The following ST7L variants were observed in gnomAD, a reference collection of about 807,000 sequenced individuals.
ST7L encodes the protein suppression of tumorigenicity 7 like, also known as suppressor of tumorigenicity 7 protein-like.
Under a neutral mutation model 72.5 loss-of-function variants are expected in ST7L, and 57 were observed. That is an observed-to-expected ratio of 0.79 (90% CI 0.64 to 0.98). The LOEUF is 0.98. Among genes scored for constraint, ST7L ranks in the 50% least tolerant of loss-of-function variants. The pLI is 0.00. For missense variants in ST7L, 576 were observed against 672.2 expected, an observed-to-expected ratio of 0.86 and a Z score of 1.58; for synonymous variants, 221 against 240.9, an observed-to-expected ratio of 0.92 and a Z score of 0.77.
intron 14 of ST7L, among the ~76,000 whole-genome samples, chr1:112,533,395 G>A (rs1442580570): frequency 1.3e-5 from 2 of 151,664 alleles, no homozygotes; most frequent in African/African-American, 2.4e-5. Flanking sequence ...CCTGGCTCAC[G>A]GCAATCTTGG....
At chr1:112,518,877 G>T (rs1437996394), downstream of ST7L, among the ~76,000 whole-genome samples, 3 of 152,246 alleles carry the variant, frequency 2.0e-5, no homozygotes, top group Admixed American at 6.5e-5. Flanking sequence ...TGTGATGATA[G>T]AAATGTTTTC....
At chr1:112,615,666 C>CG (rs1023158317) in intron 2 of ST7L, among the ~76,000 whole-genome samples, 4 of 152,008 alleles carry the variant, frequency 2.6e-5, no homozygotes, top group Admixed American at 6.6e-5. Context: ...GCCTGGGCAA[C>CG]GTAGTGAGAC....
At chr1:112,544,006 G>A (rs938206261) in intron 13 of ST7L, among the ~76,000 whole-genome samples, 17 of 151,156 alleles carry the variant, frequency 1.1e-4, no homozygotes, top group South Asian at 8.3e-4. Flanking sequence ...TGGATATTTC[G>A]TTATCAATTA....
chr1:112,608,171 T>G (rs1668553051), intron 3 of ST7L, among the ~76,000 whole-genome samples: 1 of 152,056 alleles, frequency 6.6e-6, no homozygotes, highest in Admixed American at 6.6e-5. Context: ...CAGGTGCGTA[T>G]TACTGTGCCC....
At chr1:112,523,439 A>C (rs1454062369), downstream of ST7L, 1 of 152,312 alleles carries the variant, frequency 6.6e-6, no homozygotes, top group East Asian at 1.9e-4. Flanking sequence ...TTTTCCTCCT[A>C]GTTCTTAGCT....
rs1417524001 is a variant in ST7L at position 112,523,627 on chromosome 1, G to C, written c.*2386C>G. On this transcript the variant is annotated 3_prime_UTR_variant, in exon 15 of 15. Coordinates refer to ENST00000358039, the MANE Select transcript of ST7L (RefSeq NM_017744.5). ...TCTCCCAGCCCTCTTCTATTTGATA[G>C]AGGTCTGTCCCTCAGATCAGCAATG... The C allele has an allele frequency of 6.6e-6, 1 of 152,100 alleles. No individual in the cohort carries two copies. The highest frequency in any genetic ancestry group is 1.5e-5 in the Non-Finnish European group (1 of 68,032). The allele number at this position is 152,100 out of a possible 1,614,324, so 9.4% of individuals were successfully genotyped here.
At chr1:112,540,957 C>T in intron 14 of ST7L, 1 of 845,156 alleles carries the variant, frequency 1.2e-6, no homozygotes, top group South Asian at 1.5e-5. Context: ...GCTAATTTTA[C>T]TTTGAGCCAG....
chr1:112,611,742 C>T (rs9308256), intron 2 of ST7L, among the ~76,000 whole-genome samples: 30,230 of 151,976 alleles, frequency 0.2, 3,853 homozygotes, highest in East Asian at 0.47. Context: ...AGAAGAATCG[C>T]TTGAGCCCAA....
intron 5 of ST7L, among the ~76,000 whole-genome samples, chr1:112,596,175 C>A (rs1666453093): frequency 6.6e-6 from 1 of 152,170 alleles, no homozygotes; most frequent in Admixed American, 6.5e-5. Flanking sequence ...AAACATAAAT[C>A]TATTTTTTTT....
At chr1:112,580,274 G>A (rs1054790452) in intron 9 of ST7L, among the ~76,000 whole-genome samples, 5 of 152,040 alleles carry the variant, frequency 3.3e-5, no homozygotes, top group East Asian at 1.9e-4. Flanking sequence ...TCAGCTTCCC[G>A]AGCAGCTGGG....
chr1:112,608,450 T>A (rs545410097), intron 3 of ST7L, among the ~76,000 whole-genome samples: 1 of 152,330 alleles, frequency 6.6e-6, no homozygotes, highest in Admixed American at 6.5e-5. Context: ...TGTATCTTTA[T>A]AGAGTATCAT....
At chr1:112,593,196 A>G (rs1665953677) in intron 5 of ST7L, among the ~76,000 whole-genome samples, 1 of 152,090 alleles carries the variant, frequency 6.6e-6, no homozygotes, top group South Asian at 2.1e-4. Context: ...CAAATGCTCT[A>G]CCTAGCCTTT....
intron 11 of ST7L, among the ~76,000 whole-genome samples, chr1:112,569,685 G>C (rs1040889781): frequency 2.6e-5 from 4 of 152,180 alleles, no homozygotes. Flanking sequence ...TCAGCTGGGC[G>C]CAGTGGCTTA....
At position 112,618,338 on chromosome 1, in the gene ST7L, C is replaced by T. The variant is rs1339890173; in HGVS notation, c.205+571G>A. The T allele has an allele frequency of 1.0e-5, 9 of 895,164 alleles. No individual in the cohort carries two copies. In the African/African-American group the frequency reaches 1.6e-4, roughly 16 times the overall value. The allele number at this position is 895,164 out of a possible 1,614,324, so 55.5% of individuals were successfully genotyped here. On this transcript the variant is annotated intron_variant, in intron 1 of 14. Transcript: ENST00000358039. ...CCCACTGTTGTTTGTGGCGCTCTCA[C>T]TTCCTGTACTATTTTATTACTCAAG... is the stretch of plus-strand genomic sequence containing the variant.
intron 14 of ST7L, chr1:112,541,677 G>A (rs1392469166): frequency 4.6e-6 from 3 of 646,158 alleles, no homozygotes; most frequent in Non-Finnish European, 6.4e-6. Flanking sequence ...AACAAATGCT[G>A]TTTATCACCA....
intron 2 of ST7L, among the ~76,000 whole-genome samples, chr1:112,612,535 C>T (rs1249900920): frequency 6.6e-6 from 1 of 151,910 alleles, no homozygotes; most frequent in Admixed American, 6.6e-5. Flanking sequence ...ACATAGGTGC[C>T]AAAAGTATAG....
At chr1:112,576,930 G>A in intron 11 of ST7L, 56 bp downstream of exon 11, 1 of 1,343,356 alleles carries the variant, frequency 7.4e-7, no homozygotes, top group Non-Finnish European at 1.1e-6. Context: ...TCTACGAACT[G>A]TCATCAATTT....
At chr1:112,530,930 CTTTA>C (rs1216842341) in intron 14 of ST7L, among the ~76,000 whole-genome samples, 2 of 152,142 alleles carry the variant, frequency 1.3e-5, no homozygotes, top group Non-Finnish European at 2.9e-5. Context: ...GCAAAAGGAA[CTTTA>C]TTTTAGTGCC....
downstream of ST7L, chr1:112,520,796 T>C (rs906745405): frequency 1.3e-4 from 58 of 448,880 alleles, no homozygotes; most frequent in East Asian, 1.5e-3. Flanking sequence ...TGAGTTGCAC[T>C]AAAGTACGTA....
Sources: allele counts gnomAD v4.1 joint callset (sites outside exome capture counted in the v4.1 genomes callset), GRCh38; gene constraint gnomAD v4.1.1; transcripts MANE v1.5; gene names NCBI Gene and HGNC (gene_info 2026-07-23, HGNC 2026-07-21).